Variants in CADM2 observed in about 807,000 individuals in gnomAD.
CADM2 encodes the protein immunoglobulin superfamily member 4D.
A neutral mutation model predicts 49.8 loss-of-function variants in CADM2; 12 were observed. That is an observed-to-expected ratio of 0.24 (90% confidence interval 0.15 to 0.39). The LOEUF (loss-of-function observed/expected upper bound fraction) is 0.39, where lower values mean the gene tolerates loss of function less well. Ranked by LOEUF, CADM2 falls within the 10% of genes least tolerant of loss-of-function variation. CADM2 has a pLI of 1.00. For missense variants in CADM2, 378 were observed against 492.3 expected, an observed-to-expected ratio of 0.77 and a Z score of 2.20; for synonymous variants, 214 against 175.4, an observed-to-expected ratio of 1.22 and a Z score of -1.74.
chr3:85,063,048 A>G (rs1393019551), intron 1 of CADM2, among the ~76,000 whole-genome samples: 1 of 152,002 alleles, frequency 6.6e-6, no homozygotes, highest in Non-Finnish European at 1.5e-5. Flanking sequence ...TTACACTTCA[A>G]ATGGATTCAC....
chr3:85,361,497 A>G (rs1429043001), intron 1 of CADM2, among the ~76,000 whole-genome samples: 1 of 152,208 alleles, frequency 6.6e-6, no homozygotes, highest in Non-Finnish European at 1.5e-5. Flanking sequence ...ATTGGCAAGC[A>G]TGGTGATGGG....
At chr3:85,769,573 A>G (rs1231988254) in intron 2 of CADM2, among the ~76,000 whole-genome samples, 2 of 119,374 alleles carry the variant, frequency 1.7e-5, no homozygotes, top group Non-Finnish European at 3.2e-5. Context: ...ACACGTATAT[A>G]CATATATACA....
At chr3:85,020,340 C>A (rs2034442860) in intron 1 of CADM2, among the ~76,000 whole-genome samples, 1 of 152,090 alleles carries the variant, frequency 6.6e-6, no homozygotes, top group South Asian at 2.1e-4. Flanking sequence ...GCTTTCACTG[C>A]TTAGATTAAA....
At chr3:85,075,499 G>A (rs1391766571) in intron 1 of CADM2, among the ~76,000 whole-genome samples, 1 of 152,118 alleles carries the variant, frequency 6.6e-6, no homozygotes, top group African/African-American at 2.4e-5. Context: ...AGATAGAAAA[G>A]ATTATTCTTT....
At chr3:85,236,472 T>G (rs1014326181) in intron 1 of CADM2, among the ~76,000 whole-genome samples, 2 of 152,064 alleles carry the variant, frequency 1.3e-5, no homozygotes, top group African/African-American at 2.4e-5. Flanking sequence ...AATTGCATAT[T>G]TTTAATGGTT....
At chr3:85,228,337 A>G (rs1367742687) in intron 1 of CADM2, among the ~76,000 whole-genome samples, 1 of 151,564 alleles carries the variant, frequency 6.6e-6, no homozygotes, top group East Asian at 2.0e-4. Context: ...TCACTCTTTT[A>G]TCTCTAATCT....
intron 7 of CADM2, among the ~76,000 whole-genome samples, chr3:85,947,333 A>G (rs1722848306): frequency 1.3e-5 from 2 of 151,604 alleles, no homozygotes; most frequent in South Asian, 2.1e-4. Context: ...ATATTCTTAT[A>G]CCAGCAGTAC....
chr3:85,087,963 T>G (rs2037447463), intron 1 of CADM2, among the ~76,000 whole-genome samples: 1 of 152,188 alleles, frequency 6.6e-6, no homozygotes. Flanking sequence ...GCGGAAACAG[T>G]GTCTCATTCC....
At chr3:85,695,513 C>T (rs1393886891) in intron 1 of CADM2, among the ~76,000 whole-genome samples, 1 of 151,772 alleles carries the variant, frequency 6.6e-6, no homozygotes, top group African/African-American at 2.4e-5. Flanking sequence ...CAATTTGCTG[C>T]AAGAGATATT....
At chr3:85,945,176 A>C (rs545568960) in intron 7 of CADM2, among the ~76,000 whole-genome samples, 17 of 152,198 alleles carry the variant, frequency 1.1e-4, no homozygotes, top group Non-Finnish European at 7.3e-5. Flanking sequence ...TAGAAAATCT[A>C]GAAGAAATGG....
chr3:85,379,986 T>C (rs900535109), intron 1 of CADM2, among the ~76,000 whole-genome samples: 2 of 152,046 alleles, frequency 1.3e-5, no homozygotes, highest in African/African-American at 4.8e-5. Flanking sequence ...TCAATGACTT[T>C]GACAAAGTCT....
chr3:86,014,053 C>G (rs1350625237), intron 8 of CADM2: 2 of 1,325,822 alleles, frequency 1.5e-6, no homozygotes, highest in East Asian at 4.7e-5. Context: ...GATGTAATTT[C>G]TGTTCTTTTT....
intron 1 of CADM2, among the ~76,000 whole-genome samples, chr3:85,070,320 TATC>T (rs1400835379): frequency 6.6e-6 from 1 of 152,176 alleles, no homozygotes; most frequent in African/African-American, 2.4e-5. Context: ...AGTGTGAAAT[TATC>T]TTTTTATTTA....
In CADM2 at chr3:85,369,150, G is replaced by A. The variant is rs1028109025; in HGVS notation, c.62-357372G>A. Among the ~76,000 whole-genome samples, 3 of 152,158 alleles carry A rather than the reference G, an allele frequency of 2.0e-5. No homozygotes were observed. In the East Asian group the frequency reaches 5.8e-4, roughly 29 times the overall value. On this transcript the variant is annotated intron_variant, in intron 1 of 9. Transcript: ENST00000383699. ...TTAAAATCTTATTTCCAATTAAACA[G>A]TAACTTATTGCAGTGAAATTCTGTA... is the stretch of plus-strand genomic sequence containing the variant.
Position 85,461,907 on chromosome 3 carries a change from A to C in CADM2, c.62-264615A>C, listed in dbSNP as rs554039752. Among the ~76,000 whole-genome samples, 4 of 152,268 alleles carry C rather than the reference A, an allele frequency of 2.6e-5. No homozygotes were observed. The South Asian group carries it at 8.3e-4, about 32-fold the overall frequency. Reference sequence around the variant, plus strand: ...AGCAAAGTTGGACATTATAGTCTCTAATAAAAGTGTAATGGCTATCAGGGG... The same window carrying C: ...AGCAAAGTTGGACATTATAGTCTCTCATAAAAGTGTAATGGCTATCAGGGG... On this transcript the variant is annotated intron_variant, in intron 1 of 9. Coordinates refer to ENST00000383699, the MANE Select transcript of CADM2 (RefSeq NM_001167675.2).
At chr3:85,243,875 C>G (rs919834674) in intron 1 of CADM2, among the ~76,000 whole-genome samples, 2 of 151,804 alleles carry the variant, frequency 1.3e-5, no homozygotes. Context: ...ATGTAAGATC[C>G]AATATTCTTC....
intron 1 of CADM2, among the ~76,000 whole-genome samples, chr3:85,200,167 G>A (rs558782750): frequency 1.3e-5 from 2 of 151,974 alleles, no homozygotes; most frequent in South Asian, 4.2e-4. Flanking sequence ...AAAAATTCAG[G>A]TTTATCATAT....
chr3:86,003,731 A>G (rs1336541993), intron 8 of CADM2, among the ~76,000 whole-genome samples: 2 of 152,154 alleles, frequency 1.3e-5, no homozygotes, highest in African/African-American at 2.4e-5. Flanking sequence ...TCATCCCTAC[A>G]TTAAAGTCTT....
intron 1 of CADM2, among the ~76,000 whole-genome samples, chr3:85,296,672 A>G (rs998588436): frequency 2.0e-5 from 3 of 152,114 alleles, no homozygotes; most frequent in East Asian, 1.9e-4. Context: ...CTCCCAAACT[A>G]AATTTCCAGC....
Sources: allele counts gnomAD v4.1 joint callset (sites outside exome capture counted in the v4.1 genomes callset), GRCh38; gene constraint gnomAD v4.1.1; transcripts MANE v1.5; gene names NCBI Gene and HGNC (gene_info 2026-07-23, HGNC 2026-07-21).